Variants in COX16 observed in about 807,000 individuals in gnomAD.
COX16 encodes cytochrome c oxidase assembly protein COX16 homolog, mitochondrial.
COX16 carries 12 observed loss-of-function variants against 15.4 expected under a neutral mutation model. The observed-to-expected ratio is 0.78, with a 90% CI of 0.50 to 1.26. COX16 has a LOEUF of 1.26. Ranked by LOEUF, COX16 falls within the 50% of genes most tolerant of loss-of-function variation. The pLI, the probability that COX16 is intolerant of heterozygous loss-of-function variation, is 0.00. For missense variants in COX16, 124 were observed against 127.6 expected (o/e 0.97, Z 0.14); for synonymous variants, 46 against 41.1 (o/e 1.12, Z -0.46).
At position 70,329,194 on chromosome 14, in the gene COX16, A is replaced by ATATT; in HGVS notation, c.180_183dup (p.Ser62AsnfsTer8). ...CGTACCTCATATTCCGACTCTAAAG[A>ATATT]TATTTTATTCTCTTTCAGTTTTTTT... is the stretch of plus-strand genomic sequence containing the variant. On this transcript the variant is annotated frameshift_variant, in exon 3 of 4. Coordinates refer to ENST00000389912, the MANE Select transcript of COX16 (RefSeq NM_016468.7). LOFTEE classifies it high-confidence loss of function. 1 of 1,608,552 alleles carries ATATT rather than the reference A, an allele frequency of 6.2e-7. No homozygotes were observed. The highest frequency in any genetic ancestry group is 8.5e-7 in the Non-Finnish European group (1 of 1,177,112).
intron 2 of COX16, among the ~76,000 whole-genome samples, chr14:70,340,535 A>T (rs1053744157): frequency 1.3e-5 from 2 of 152,186 alleles, no homozygotes; most frequent in Non-Finnish European, 2.9e-5. Context: ...TTGCTGCTAA[A>T]ATTATTGCTG....
intron 1 of COX16, among the ~76,000 whole-genome samples, chr14:70,356,523 A>G (rs1162448771): frequency 1.3e-5 from 2 of 152,180 alleles, no homozygotes; most frequent in Non-Finnish European, 2.9e-5. Flanking sequence ...GACAAACTTG[A>G]ATTTTAAAAA....
intron 1 of COX16, among the ~76,000 whole-genome samples, chr14:70,350,713 TCTC>T (rs532081249): frequency 3.2e-4 from 48 of 152,344 alleles, no homozygotes; most frequent in South Asian, 2.1e-3. Flanking sequence ...TACTTTCTGT[TCTC>T]CTATCATTTT....
intron 2 of COX16, among the ~76,000 whole-genome samples, chr14:70,335,532 A>G (rs1886422654): frequency 6.6e-6 from 1 of 152,056 alleles, no homozygotes; most frequent in Non-Finnish European, 1.5e-5. Context: ...AGCAATCAAT[A>G]ACAAGAGGAG....
chr14:70,327,796 G>C (rs146145752), intron 3 of COX16, among the ~76,000 whole-genome samples: 214 of 152,236 alleles, frequency 1.4e-3, no homozygotes, highest in African/African-American at 5.0e-3. Flanking sequence ...GAGATTCCTT[G>C]TAGAATTCTA....
rs139235223 is a variant in COX16, at chr14:70,350,444, T to C, written c.70-7715A>G. ...CTCCATACCGCCTCAGTGTTGTACATTGGCGCGCTCTCGGGGTTCAAACCA... is the reference window on the plus strand; with the variant it reads ...CTCCATACCGCCTCAGTGTTGTACACTGGCGCGCTCTCGGGGTTCAAACCA... On this transcript the variant is annotated intron_variant, in intron 1 of 3. Coordinates refer to ENST00000389912, the MANE Select transcript of COX16 (RefSeq NM_016468.7). Among the ~76,000 whole-genome samples the C allele has an allele frequency of 1.2e-4, 18 of 152,270 alleles. No homozygotes were observed. The East Asian group carries it at 2.7e-3, about 23-fold the overall frequency.
intron 1 of COX16, among the ~76,000 whole-genome samples, chr14:70,350,781 A>G (rs1360866198): frequency 6.6e-6 from 1 of 152,232 alleles, no homozygotes; most frequent in Non-Finnish European, 1.5e-5. Flanking sequence ...ACAATAGTTC[A>G]TCCAATTCAT....
intron 1 of COX16, among the ~76,000 whole-genome samples, chr14:70,344,024 G>A (rs924544091): frequency 2.6e-5 from 4 of 152,146 alleles, no homozygotes; most frequent in Admixed American, 2.6e-4. Context: ...ACTCATAGGG[G>A]GCAAAGTGAG....
chr14:70,351,195 AAC>A (rs781009008), intron 1 of COX16, among the ~76,000 whole-genome samples: 6 of 152,282 alleles, frequency 3.9e-5, no homozygotes, highest in African/African-American at 1.4e-4. Flanking sequence ...CACTGTTTCC[AAC>A]TTATTGGTTG....
At position 70,325,085 on chromosome 14, in the gene COX16, CTTAA is replaced by C. The variant is rs1886024907; in HGVS notation, c.*1244_*1247del. On this transcript the variant is annotated 3_prime_UTR_variant, in exon 4 of 4. Coordinates refer to ENST00000389912, the MANE Select transcript of COX16 (RefSeq NM_016468.7). ...TCACAAATTATCACTAGATAATCAA[CTTAA>C]TTTACTTTTTATTAAAACCAACCTG... 1 of 152,132 alleles carries C rather than the reference CTTAA, an allele frequency of 6.6e-6. No homozygotes were observed. Among genetic ancestry groups the C allele is most frequent in the African/African-American group, 2.4e-5 (1 of 41,498 alleles). The allele number at this position is 152,132 out of a possible 1,614,324, so 9.4% of individuals were successfully genotyped here. A position where few individuals can be genotyped will look rare whatever the true frequency, so the allele number is the denominator to read the frequency against.
At position 70,325,493 on chromosome 14, in the gene COX16, G is replaced by T. The variant is rs1886037628; in HGVS notation, c.*840C>A. 6.6e-6 allele frequency: 1 copy of T among 152,252 alleles called. No individual in the cohort carries two copies. Among genetic ancestry groups the T allele is most frequent in the Non-Finnish European group, 1.5e-5 (1 of 68,116 alleles). The allele number at this position is 152,252 out of a possible 1,614,324, so 9.4% of individuals were successfully genotyped here. On this transcript the variant is annotated 3_prime_UTR_variant, in exon 4 of 4. Coordinates refer to ENST00000389912, the MANE Select transcript of COX16 (RefSeq NM_016468.7). The stretch of plus-strand genomic sequence containing the variant: ...ACTCAGGATGCTGAGGCAGGAGAAT[G>T]GTGTGAACCCGGGAAGCAGAGCTTG...
chr14:70,340,217 T>A (rs971335592), intron 2 of COX16, among the ~76,000 whole-genome samples: 1 of 152,194 alleles, frequency 6.6e-6, no homozygotes, highest in Non-Finnish European at 1.5e-5. Flanking sequence ...TATAAGGGAT[T>A]TCCCCCTTTG....
At chr14:70,339,276 T>G (rs76100707) in intron 2 of COX16, among the ~76,000 whole-genome samples, 3,463 of 152,286 alleles carry the variant, frequency 0.023, 120 homozygotes, top group African/African-American at 0.078. Context: ...CAACAGCCAC[T>G]AGGGACAGCA....
intron 2 of COX16, among the ~76,000 whole-genome samples, chr14:70,337,787 CTA>C (rs1594913855): frequency 6.6e-6 from 1 of 151,756 alleles, no homozygotes; most frequent in Admixed American, 6.6e-5. Flanking sequence ...CATTTTAAAA[CTA>C]AAAAATATAG....
intron 1 of COX16, among the ~76,000 whole-genome samples, chr14:70,352,337 C>T (rs1886980061): frequency 6.6e-6 from 1 of 151,680 alleles, no homozygotes; most frequent in Non-Finnish European, 1.5e-5. Flanking sequence ...CAAGCATCCA[C>T]TGCCATACCC....
intron 3 of COX16, among the ~76,000 whole-genome samples, chr14:70,327,722 A>G (rs1209158010): frequency 2.6e-5 from 4 of 152,216 alleles, no homozygotes; most frequent in African/African-American, 9.6e-5. Context: ...AACAGAACTG[A>G]AGAAAATTCT....
At position 70,355,627 on chromosome 14, in the gene COX16, C is replaced by T. The variant is rs117243639; in HGVS notation, c.69+3892G>A. On this transcript the variant is annotated intron_variant, in intron 1 of 3. Transcript: ENST00000389912. ...GCTACTGCCTACAAGTTAAACATGACGACATCCTGCTAAACTAGAAGACTT... is the reference window on the plus strand; with the variant it reads ...GCTACTGCCTACAAGTTAAACATGATGACATCCTGCTAAACTAGAAGACTT... Among the ~76,000 whole-genome samples, 1,485 of 152,252 alleles carry T rather than the reference C, an allele frequency of 9.8e-3. 14 individuals are homozygous for T. The highest frequency in any genetic ancestry group is 0.016 in the Non-Finnish European group (1,060 of 68,014).
intron 1 of COX16, among the ~76,000 whole-genome samples, chr14:70,354,841 C>CGCGTGT (rs1555345904): frequency 1.3e-5 from 2 of 148,880 alleles, no homozygotes; most frequent in Non-Finnish European, 3.0e-5. Flanking sequence ...TGTGTGTGTG[C>CGCGTGT]GTGTGTGTGT....
chr14:70,332,412 G>A (rs1043227126), intron 2 of COX16, among the ~76,000 whole-genome samples: 3 of 152,094 alleles, frequency 2.0e-5, no homozygotes, highest in Admixed American at 6.6e-5. Flanking sequence ...TCCTGTCTGC[G>A]CAGGATCCTC....
Sources: gnomAD v4.1 joint callset for allele counts (sites outside exome capture counted in the v4.1 genomes callset) on GRCh38, gnomAD v4.1.1 for gene constraint, MANE v1.5 for transcripts, NCBI Gene and HGNC (gene_info 2026-07-23, HGNC 2026-07-21) for gene names.